The following DDI2 variants were observed in gnomAD, a reference collection of about 807,000 sequenced individuals.
The protein encoded by DDI2 is DDI proteasomal shuttling factor 2, also known as protein DDI1 homolog 2.
In DDI2, 5 loss-of-function variants were observed where a neutral mutation model predicts 48.1. The observed-to-expected ratio is 0.10, with a 90% CI of 0.05 to 0.22. DDI2 has a LOEUF of 0.22. DDI2 is among the 10% of genes least tolerant of loss of function. DDI2 has a pLI of 1.00. For missense variants in DDI2, 285 were observed against 506.2 expected (o/e 0.56, Z 4.19); for synonymous variants, 205 against 183.6 (o/e 1.12, Z -0.94).
intron 5 of DDI2, among the ~76,000 whole-genome samples, chr1:15,641,630 G>A (rs374675519): frequency 5.3e-5 from 8 of 152,070 alleles, no homozygotes; most frequent in Admixed American, 3.9e-4. Context: ...GGGAATGGCA[G>A]TGTGAGCCAG....
intron 1 of DDI2, 129 bp downstream of exon 1, chr1:15,617,937 C>T: frequency 7.6e-7 from 1 of 1,312,804 alleles, no homozygotes; most frequent in Non-Finnish European, 9.9e-7. Flanking sequence ...TCTCAGGTCA[C>T]CCCCGCATCC....
rs778011204 is a variant in DDI2, at chr1:15,660,172, G to A, written c.*382G>A. On this transcript the variant is annotated 3_prime_UTR_variant, in exon 10 of 10. Coordinates refer to ENST00000480945, the MANE Select transcript of DDI2 (RefSeq NM_032341.5). The stretch of plus-strand genomic sequence containing the variant: ...AGCTATGCCTATGCAGAATTCATCC[G>A]AAGAAATAACTGTTGCAGGTAATCT... 2.1e-5 allele frequency: 34 copies of A among 1,614,032 alleles called. No homozygotes were observed. Among genetic ancestry groups the A allele is most frequent in the Admixed American group, 6.7e-5 (4 of 59,996 alleles).
chr1:15,632,611 C>G (rs1167389784), intron 3 of DDI2, among the ~76,000 whole-genome samples: 12 of 152,228 alleles, frequency 7.9e-5, no homozygotes, highest in Admixed American at 7.2e-4. Flanking sequence ...TACTAATTTT[C>G]CTGCCTATTA....
chr1:15,643,705 G>A (rs1368923421), intron 6 of DDI2, 55 bp downstream of exon 6: 11 of 1,577,878 alleles, frequency 7.0e-6, no homozygotes, highest in African/African-American at 1.4e-5. Flanking sequence ...TGTAGGTAGG[G>A]TAGTCGATTT....
intron 1 of DDI2, among the ~76,000 whole-genome samples, chr1:15,623,002 C>T (rs768456946): frequency 7.2e-5 from 11 of 152,146 alleles, no homozygotes; most frequent in Non-Finnish European, 7.3e-5. Context: ...TAGACATGCT[C>T]AATGTGGTGG....
intron 9 of DDI2, 141 bp downstream of exon 9, chr1:15,656,820 A>G (rs1487109092): frequency 2.8e-5 from 34 of 1,194,894 alleles, no homozygotes; most frequent in Non-Finnish European, 3.5e-5. Flanking sequence ...GCCTATATGC[A>G]TTTGTATTTT....
rs370683231 is a variant in DDI2, at chr1:15,638,287, C to T, written c.633-20C>T. On this transcript the variant is annotated intron_variant, in intron 4 of 9. Coordinates refer to ENST00000480945, the MANE Select transcript of DDI2 (RefSeq NM_032341.5). ...CATGGAATTAATGCTTTCAGTGTCC[C>T]TGGTCTTGTTCTGTTACAGGCAACA... 4.3e-6 allele frequency: 7 copies of T among 1,612,842 alleles called. No individual in the cohort carries two copies. In the African/African-American group the frequency reaches 5.3e-5, roughly 12 times the overall value.
chr1:15,625,838 C>T (rs983601993), intron 1 of DDI2, among the ~76,000 whole-genome samples: 3 of 152,112 alleles, frequency 2.0e-5, no homozygotes, highest in South Asian at 2.1e-4. Flanking sequence ...AGGCTGGTCT[C>T]GAACCCCTGA....
At chr1:15,630,698 A>G (rs973045773) in intron 3 of DDI2, 137 bp downstream of exon 3, 7 of 664,526 alleles carry the variant, frequency 1.1e-5, no homozygotes, top group Non-Finnish European at 1.8e-5. Context: ...TGAGAGGTAA[A>G]TTAGTGCTAA....
Position 15,666,106 on chromosome 1 carries a change from A to C in DDI2, c.*6316A>C, listed in dbSNP as rs916008631. On this transcript the variant is annotated 3_prime_UTR_variant, in exon 10 of 10. Coordinates refer to ENST00000480945, the MANE Select transcript of DDI2 (RefSeq NM_032341.5). ...TTTTTTTTCCCTAGAATTGCTAATT[A>C]CTCTTAACAACAAATTAAATTCAAA... 3 of 152,118 alleles carry C rather than the reference A, an allele frequency of 2.0e-5. No individual in the cohort carries two copies. The highest frequency in any genetic ancestry group is 6.5e-5 in the Admixed American group (1 of 15,270). The allele number at this position is 152,118 out of a possible 1,614,324, so 9.4% of individuals were successfully genotyped here. A position where few individuals can be genotyped will look rare whatever the true frequency, so the allele number is the denominator to read the frequency against.
chr1:15,643,439 T>C, intron 5 of DDI2, 83 bp from the exon 6 acceptor site: 1 of 1,542,846 alleles, frequency 6.5e-7, no homozygotes, highest in Non-Finnish European at 8.7e-7. Flanking sequence ...GGTTTTCGCT[T>C]TGTTATTATT....
Position 15,664,210 on chromosome 1 carries a change from C to T in DDI2, c.*4420C>T, listed in dbSNP as rs567880571. On this transcript the variant is annotated 3_prime_UTR_variant, in exon 10 of 10. Transcript: ENST00000480945. ...CTTTTGATTTTTAAAATCTTCTTGCCCATCATTTTTATAAAAATAAAGCTG... is the reference window on the plus strand; with the variant it reads ...CTTTTGATTTTTAAAATCTTCTTGCTCATCATTTTTATAAAAATAAAGCTG... 1 of 152,068 alleles carries T rather than the reference C, an allele frequency of 6.6e-6. No individual in the cohort carries two copies. The highest frequency in any genetic ancestry group is 2.4e-5 in the African/African-American group (1 of 41,478). 9.4% of individuals were successfully genotyped at this position (152,068 alleles called of 1,614,324 possible). A position where few individuals can be genotyped will look rare whatever the true frequency, so the allele number is the denominator to read the frequency against.
intron 2 of DDI2, among the ~76,000 whole-genome samples, chr1:15,628,524 G>A (rs2103463918): frequency 6.6e-6 from 1 of 152,230 alleles, no homozygotes; most frequent in African/African-American, 2.4e-5. Context: ...GATCACTGTG[G>A]AATTGCTTAG....
chr1:15,661,173 C>T lies in DDI2; in HGVS notation c.*1383C>T, dbSNP rs1018361976. 1 of 1,614,126 alleles carries T rather than the reference C, an allele frequency of 6.2e-7. No individual in the cohort carries two copies. The highest frequency in any genetic ancestry group is 8.5e-7 in the Non-Finnish European group (1 of 1,180,018). On this transcript the variant is annotated 3_prime_UTR_variant, in exon 10 of 10. Transcript: ENST00000480945. ...AAAAATTAACAGGTACTTCATCTGA[C>T]ACTGGAAGAGAAGCTGTAGAAAATG...
At chr1:15,646,940 A>G (rs774373485) in intron 6 of DDI2, among the ~76,000 whole-genome samples, 13 of 152,146 alleles carry the variant, frequency 8.5e-5, no homozygotes, top group Non-Finnish European at 1.2e-4. Context: ...TCATTTGGGC[A>G]TATCTCCTGG....
At position 15,661,423 on chromosome 1, in the gene DDI2, A is replaced by C. The variant is rs771420818; in HGVS notation, c.*1633A>C. The C allele has an allele frequency of 1.1e-5, 18 of 1,614,086 alleles. No homozygotes were observed. The highest frequency in any genetic ancestry group is 3.3e-5 in the Admixed American group (2 of 60,004). ...AACTAAGTCTTTGTCATCCAATTTC[A>C]TATTGGTTAAAGACTTAGGTCAGGG... On this transcript the variant is annotated 3_prime_UTR_variant, in exon 10 of 10. Transcript: ENST00000480945.
In DDI2 at chr1:15,659,731, A is replaced by G. The variant is rs555701838; in HGVS notation, c.*47-106A>G. On this transcript the variant is annotated intron_variant, in intron 9 of 9. Coordinates refer to ENST00000480945, the MANE Select transcript of DDI2 (RefSeq NM_032341.5). ...TTTGTGTAAGAGAAACCCGAGTTTGAGGACCTTATTTTATTCTACGCTGTT... is the reference window on the plus strand; with the variant it reads ...TTTGTGTAAGAGAAACCCGAGTTTGGGGACCTTATTTTATTCTACGCTGTT... 4.2e-6 allele frequency: 5 copies of G among 1,189,160 alleles called. No homozygotes were observed. The South Asian group carries it at 1.1e-4, about 26-fold the overall frequency. 73.7% of individuals were successfully genotyped at this position (1,189,160 alleles called of 1,614,324 possible).
intron 2 of DDI2, 165 bp downstream of exon 2, chr1:15,626,963 AAATTGGT>A: frequency 1.1e-6 from 1 of 920,128 alleles, no homozygotes; most frequent in South Asian, 1.8e-5. Context: ...TAATGTCTCT[AAATTGGT>A]TTCCTCTTCT....
chr1:15,654,937 CT>C (rs60979134), intron 8 of DDI2, among the ~76,000 whole-genome samples: 218 of 140,560 alleles, frequency 1.6e-3, no homozygotes, highest in Admixed American at 2.1e-3. Context: ...TATGAAATGT[CT>C]TTTTTTTTTT....
Sources: gnomAD v4.1 joint callset for allele counts (sites outside exome capture counted in the v4.1 genomes callset) on GRCh38, gnomAD v4.1.1 for gene constraint, MANE v1.5 for transcripts, NCBI Gene and HGNC (gene_info 2026-07-23, HGNC 2026-07-21) for gene names.